The following LRRFIP2 variants were observed in gnomAD, a reference collection of about 807,000 sequenced individuals.
LRRFIP2 encodes the protein LRR binding FLII interacting protein 2, also known as leucine-rich repeat flightless-interacting protein 2.
A neutral mutation model predicts 125.9 loss-of-function variants in LRRFIP2; 109 were observed. The observed-to-expected ratio is 0.87, with a 90% CI of 0.74 to 1.01. LRRFIP2 has a LOEUF of 1.01. Ranked by LOEUF, LRRFIP2 falls within the 50% of genes least tolerant of loss-of-function variation. The pLI is 0.00. For synonymous variants in LRRFIP2, 291 were observed against 293.1 expected (o/e 0.99, Z 0.07); for missense variants, 850 against 862.3 (o/e 0.99, Z 0.18).
intron 1 of LRRFIP2, among the ~76,000 whole-genome samples, chr3:37,160,779 CA>C (rs565182013): frequency 0.031 from 3,669 of 118,700 alleles, 134 homozygotes; most frequent in African/African-American, 0.1. Flanking sequence ...AACTCTGTCT[CA>C]AAAAAAAAAA....
rs572736864 is a variant in LRRFIP2, at chr3:37,125,020, A to G, written c.228+2610T>C. On this transcript the variant is annotated intron_variant, in intron 4 of 27. Coordinates refer to ENST00000336686, the MANE Select transcript of LRRFIP2 (RefSeq NM_006309.4). ...AAGTCCTTATTAGCACTAAAGCACT[A>G]AAGACTGGACAAACAGTACAACGCC... 8.3e-5 allele frequency among the ~76,000 whole-genome samples: 12 copies of G among 144,594 alleles called. No individual in the cohort carries two copies. The South Asian group carries it at 2.8e-3, about 34-fold the overall frequency. The allele number at this position is 144,594 out of a possible 152,430, so 94.9% of individuals were successfully genotyped here. A position where few individuals can be genotyped will look rare whatever the true frequency, so the allele number is the denominator to read the frequency against.
At chr3:37,069,470 G>A (rs1022871228) in intron 21 of LRRFIP2, among the ~76,000 whole-genome samples, 1 of 152,226 alleles carries the variant, frequency 6.6e-6, no homozygotes, top group East Asian at 1.9e-4. Flanking sequence ...ATCAGATACT[G>A]TATGATTCCA....
chr3:37,130,934 T>C (rs2095411999), intron 2 of LRRFIP2, among the ~76,000 whole-genome samples: 2 of 152,172 alleles, frequency 1.3e-5, no homozygotes, highest in South Asian at 4.1e-4. Context: ...TCCATGAAAT[T>C]GTGAAGAAGG....
intron 9 of LRRFIP2, among the ~76,000 whole-genome samples, chr3:37,110,499 G>C (rs1311856782): frequency 6.6e-6 from 1 of 152,110 alleles, no homozygotes; most frequent in Non-Finnish European, 1.5e-5. Context: ...AAAAAAACAA[G>C]AGATTCTAAC....
chr3:37,056,662 C>T (rs1345952187), intron 25 of LRRFIP2, among the ~76,000 whole-genome samples: 1 of 151,846 alleles, frequency 6.6e-6, no homozygotes, highest in African/African-American at 2.4e-5. Context: ...ACCATGTTAG[C>T]CAGGATGGTC....
At chr3:37,129,029 C>G in intron 3 of LRRFIP2, 34 bp downstream of exon 3, 3 of 1,584,058 alleles carry the variant, frequency 1.9e-6, no homozygotes, top group Non-Finnish European at 1.7e-6. Context: ...TTGGGGGAGA[C>G]AAATATGAAA....
At chr3:37,145,353 G>C (rs958147510) in intron 2 of LRRFIP2, among the ~76,000 whole-genome samples, 1 of 152,110 alleles carries the variant, frequency 6.6e-6, no homozygotes, top group Non-Finnish European at 1.5e-5. Flanking sequence ...TATACAAAAA[G>C]TAAAACTTTG....
At position 37,081,073 on chromosome 3, in the gene LRRFIP2, A is replaced by G. The variant is rs1369597894; in HGVS notation, c.1278+2563T>C. On this transcript the variant is annotated intron_variant, in intron 19 of 27. Coordinates refer to ENST00000336686, the MANE Select transcript of LRRFIP2 (RefSeq NM_006309.4). The stretch of plus-strand genomic sequence containing the variant: ...TCAAAGAAGGAGGATTGGGCAATAC[A>G]GCAAGGCCCCATCTCCACAAAAAGA... 2.0e-5 allele frequency among the ~76,000 whole-genome samples: 3 copies of G among 152,170 alleles called. No homozygotes were observed. The East Asian group carries it at 5.8e-4, about 29-fold the overall frequency.
At chr3:37,057,675 T>C (rs2087302429) in intron 25 of LRRFIP2, among the ~76,000 whole-genome samples, 1 of 152,134 alleles carries the variant, frequency 6.6e-6, no homozygotes, top group African/African-American at 2.4e-5. Flanking sequence ...CCCCAACATG[T>C]CTTTTCTTGG....
intron 18 of LRRFIP2, among the ~76,000 whole-genome samples, chr3:37,090,679 C>T (rs775433483): frequency 2.0e-5 from 3 of 152,170 alleles, no homozygotes; most frequent in Non-Finnish European, 2.9e-5. Flanking sequence ...AACTGTCTGC[C>T]TCACACATTT....
intron 1 of LRRFIP2, among the ~76,000 whole-genome samples, chr3:37,162,137 C>CA (rs1464607237): frequency 1.3e-5 from 1 of 78,312 alleles, no homozygotes; most frequent in African/African-American, 5.1e-5. Context: ...GCCTGGGTGA[C>CA]AAAGTGAGAC....
Position 37,065,958 on chromosome 3 carries a change from A to C in LRRFIP2, c.1567-16T>G. The C allele has an allele frequency of 6.2e-7, 1 of 1,613,870 alleles. No homozygotes were observed. The highest frequency in any genetic ancestry group is 8.5e-7 in the Non-Finnish European group (1 of 1,179,918). ...AGCCATGTTTCTGCAGGGGGGAAAA[A>C]CCCACCATCACAAAAGGCCCGTATG... is the stretch of plus-strand genomic sequence containing the variant. On this transcript the variant is annotated splice_polypyrimidine_tract_variant and intron_variant, in intron 22 of 27. Transcript: ENST00000336686.
chr3:37,056,036 C>T (rs1482413447), intron 25 of LRRFIP2, among the ~76,000 whole-genome samples: 1 of 152,140 alleles, frequency 6.6e-6, no homozygotes, highest in East Asian at 1.9e-4. Flanking sequence ...GCTTTTTAAA[C>T]ATCGTATGTG....
At chr3:37,091,432 A>G (rs2093430418) in intron 18 of LRRFIP2, 35 bp downstream of exon 18, 13 of 1,548,034 alleles carry the variant, frequency 8.4e-6, no homozygotes, top group Non-Finnish European at 1.1e-5. Context: ...TTCTGCATAC[A>G]GAGCATGCTT....
chr3:37,096,196 GAAGA>G (rs1192905141), intron 16 of LRRFIP2, among the ~76,000 whole-genome samples: 2 of 152,084 alleles, frequency 1.3e-5, no homozygotes, highest in African/African-American at 4.8e-5. Flanking sequence ...AATACTTTCA[GAAGA>G]AAGAGACTTT....
At chr3:37,145,208 GTAGA>G (rs2095825933) in intron 2 of LRRFIP2, among the ~76,000 whole-genome samples, 1 of 152,132 alleles carries the variant, frequency 6.6e-6, no homozygotes, top group Admixed American at 6.6e-5. Flanking sequence ...CCAACATGTA[GTAGA>G]TAAACTCTAG....
intron 14 of LRRFIP2, 119 bp from the exon 15 acceptor site, chr3:37,103,132 A>C (rs2094156936): frequency 1.6e-6 from 1 of 644,620 alleles, no homozygotes; most frequent in Admixed American, 3.3e-5. Context: ...TAAAGTACCA[A>C]GAAATAAAAT....
Position 37,168,276 on chromosome 3 carries a change from A to C in LRRFIP2, c.-56+6263T>G, listed in dbSNP as rs895714765. On this transcript the variant is annotated intron_variant, in intron 1 of 27. Transcript: ENST00000336686. ...ACTATTCCCAAAAGCAGAAAGATGG[A>C]AACAACCCATCTATCAAAAGATGAT... is the stretch of plus-strand genomic sequence containing the variant. Among the ~76,000 whole-genome samples, 20 of 152,336 alleles carry C rather than the reference A, an allele frequency of 1.3e-4. No homozygotes were observed. The East Asian group carries it at 1.5e-3, about 12-fold the overall frequency.
chr3:37,157,657 A>G, intron 1 of LRRFIP2, among the ~76,000 whole-genome samples: 1 of 152,182 alleles, frequency 6.6e-6, no homozygotes, highest in Non-Finnish European at 1.5e-5. Flanking sequence ...TCATTAGCAA[A>G]ACCTACAGAA....
Sources: gnomAD v4.1 joint callset for allele counts (sites outside exome capture counted in the v4.1 genomes callset) on GRCh38, gnomAD v4.1.1 for gene constraint, MANE v1.5 for transcripts, NCBI Gene and HGNC (gene_info 2026-07-23, HGNC 2026-07-21) for gene names.